The following RPS25 variants were observed in gnomAD, a reference collection of about 807,000 sequenced individuals.
RPS25 encodes ribosomal protein S25.
In RPS25, 1 loss-of-function variant was observed where a neutral mutation model predicts 14.4. That is an observed-to-expected ratio of 0.07 (90% CI 0.02 to 0.33). RPS25 has a LOEUF of 0.33. Ranked by LOEUF, RPS25 falls within the 10% of genes least tolerant of loss-of-function variation. The pLI, the probability that RPS25 is intolerant of heterozygous loss-of-function variation, is 1.00. For synonymous variants in RPS25, 63 were observed against 53.8 expected, an observed-to-expected ratio of 1.17 and a Z score of -0.75; for missense variants, 65 against 144.6, an observed-to-expected ratio of 0.45 and a Z score of 2.82.
chr11:119,017,519 G>A lies in RPS25; in HGVS notation c.126C>T (p.Asp42=), dbSNP rs1943190632. Residue 42 remains aspartate (D), a synonymous_variant, in exon 3 of 5, where the codon GAC becomes GAT. Transcript: ENST00000527673. ...KKKWSKGKVR[D]KLNNLVLFDK... is the part of the protein sequence containing the mutation. ...CAAACAAGACTAAGTTATTGAGCTT[G>A]TCCCGAACTTTGCCTTTGGACCACT... The A allele has an allele frequency of 6.2e-7, 1 of 1,614,110 alleles. No homozygotes were observed. The highest frequency in any genetic ancestry group is 2.2e-5 in the East Asian group (1 of 44,890).
intron 3 of RPS25, among the ~76,000 whole-genome samples, chr11:119,016,869 G>A (rs1287488128): frequency 2.0e-5 from 3 of 152,058 alleles, no homozygotes; most frequent in African/African-American, 7.2e-5. Context: ...TGATTCACCC[G>A]CCTTGGCCTC....
chr11:119,018,157 C>G, intron 1 of RPS25, 104 bp from the exon 2 acceptor site: 1 of 1,570,114 alleles, frequency 6.4e-7, no homozygotes, highest in South Asian at 1.1e-5. Flanking sequence ...AGCACATGGG[C>G]CAAGCAATAA....
chr11:119,017,492 G>C lies in RPS25; in HGVS notation c.153C>G (p.Asp51Glu). 1 of 1,614,092 alleles carries C rather than the reference G, an allele frequency of 6.2e-7. No individual in the cohort carries two copies. Among genetic ancestry groups the C allele is most frequent in the South Asian group, 1.1e-5 (1 of 91,086 alleles). Reference sequence around the variant, plus strand: ...TACAGAGTTTATCATAGGTAGCTTTGTCAAACAAGACTAAGTTATTGAGCT... The same window carrying C: ...TACAGAGTTTATCATAGGTAGCTTTCTCAAACAAGACTAAGTTATTGAGCT... Reference protein sequence around the residue: ...RDKLNNLVLFDKATYDKLCKE... With the variant: ...RDKLNNLVLFEKATYDKLCKE... Residue 51 changes from aspartate to glutamate, a missense_variant, in exon 3 of 5, where the codon GAC (aspartate) becomes GAG (glutamate). Coordinates refer to ENST00000527673, the MANE Select transcript of RPS25 (RefSeq NM_001028.3).
At chr11:119,016,079 G>C (rs535251125) in intron 3 of RPS25, 140 bp from the exon 4 acceptor site, 1 of 582,570 alleles carries the variant, frequency 1.7e-6, no homozygotes, top group East Asian at 2.7e-5. Context: ...CTTGAGGTAA[G>C]GAGTTGCACA....
chr11:119,017,913 CG>C, intron 2 of RPS25, 44 bp downstream of exon 2: 1 of 1,472,496 alleles, frequency 6.8e-7, no homozygotes, highest in Non-Finnish European at 9.5e-7. Flanking sequence ...TAGAGGATTA[CG>C]AGAGAGTTAC....
chr11:119,017,905 G>A (rs1055845322), intron 2 of RPS25, 53 bp downstream of exon 2: 3 of 1,396,710 alleles, frequency 2.1e-6, no homozygotes, highest in South Asian at 2.3e-5. Context: ...CCTATTACTA[G>A]AGGATTACGA....
In RPS25 at chr11:119,015,756, G is replaced by C; in HGVS notation, c.*7C>G. On this transcript the variant is annotated splice_region_variant and 3_prime_UTR_variant, in exon 5 of 5. Coordinates refer to ENST00000527673, the MANE Select transcript of RPS25 (RefSeq NM_001028.3). Reference sequence around the variant, plus strand: ...ATTTTTCCAAATGTACAGCTGGTTGGACCTGTAAAAAAAAATTAAAAGAAT... The same window carrying C: ...ATTTTTCCAAATGTACAGCTGGTTGCACCTGTAAAAAAAAATTAAAAGAAT... The C allele has an allele frequency of 8.0e-7, 1 of 1,255,382 alleles. No homozygotes were observed. The highest frequency in any genetic ancestry group is 1.9e-5 in the Admixed American group (1 of 52,120). The allele number at this position is 1,255,382 out of a possible 1,614,324, so 77.8% of individuals were successfully genotyped here.
intron 2 of RPS25, 48 bp downstream of exon 2, chr11:119,017,910 T>C: frequency 6.9e-7 from 1 of 1,446,458 alleles, no homozygotes; most frequent in Non-Finnish European, 9.7e-7. Flanking sequence ...TACTAGAGGA[T>C]TACGAGAGAG....
intron 2 of RPS25, 123 bp from the exon 3 acceptor site, chr11:119,017,668 A>G (rs892294180): frequency 1.1e-6 from 1 of 920,812 alleles, no homozygotes; most frequent in Non-Finnish European, 1.6e-6. Flanking sequence ...CACATTACTA[A>G]AACAAAAACA....
At chr11:119,017,894 A>G (rs1162371225) in intron 2 of RPS25, 64 bp downstream of exon 2, 3 of 1,279,214 alleles carry the variant, frequency 2.3e-6, no homozygotes, top group Admixed American at 3.4e-5. Context: ...TATACAAGTT[A>G]CCTATTACTA....
At chr11:119,016,723 T>C (rs1231577470) in intron 3 of RPS25, among the ~76,000 whole-genome samples, 1 of 149,110 alleles carries the variant, frequency 6.7e-6, no homozygotes, top group Non-Finnish European at 1.5e-5. Flanking sequence ...CTCCATCTCC[T>C]GGGTTCAAGG....
In RPS25 at chr11:119,017,483, G is replaced by A. The variant is rs1329194585; in HGVS notation, c.162C>T (p.Thr54=). The stretch of plus-strand genomic sequence containing the variant: ...GAACTTCCTTACAGAGTTTATCATA[G>A]GTAGCTTTGTCAAACAAGACTAAGT... ...LNNLVLFDKA[T]YDKLCKEVPN... The change falls in exon 3 of 5, where the codon ACC becomes ACT. Residue 54 remains threonine, a synonymous_variant. Transcript: ENST00000527673. 4 of 1,613,926 alleles carry A rather than the reference G, an allele frequency of 2.5e-6. No individual in the cohort carries two copies. Among genetic ancestry groups the A allele is most frequent in the East Asian group, 2.2e-5 (1 of 44,898 alleles).
At chr11:119,016,771 C>T (rs1943169611) in intron 3 of RPS25, among the ~76,000 whole-genome samples, 1 of 152,000 alleles carries the variant, frequency 6.6e-6, no homozygotes, top group Non-Finnish European at 1.5e-5. Context: ...GCTGGGATTA[C>T]AGACGTGTGC....
At position 119,017,344 on chromosome 11, in the gene RPS25, G is replaced by C. The variant is rs782724309; in HGVS notation, c.283+18C>G. 2 of 1,587,996 alleles carry C rather than the reference G, an allele frequency of 1.3e-6. No individual in the cohort carries two copies. The highest frequency in any genetic ancestry group is 1.8e-5 in the Admixed American group (1 of 55,488). On this transcript the variant is annotated intron_variant, in intron 3 of 4. Coordinates refer to ENST00000527673, the MANE Select transcript of RPS25 (RefSeq NM_001028.3). The stretch of plus-strand genomic sequence containing the variant: ...CAATTTAACCTACAAAAACACACAT[G>C]TAGGATACACCCCTCACCTTTACTA...
In RPS25 at chr11:119,017,345, T is replaced by G. The variant is rs371502497; in HGVS notation, c.283+17A>C. The G allele has an allele frequency of 3.1e-6, 5 of 1,589,410 alleles. No individual in the cohort carries two copies. In the Admixed American group the frequency reaches 5.4e-5, roughly 17 times the overall value. On this transcript the variant is annotated intron_variant, in intron 3 of 4. Transcript: ENST00000527673. ...AATTTAACCTACAAAAACACACATG[T>G]AGGATACACCCCTCACCTTTACTAA...
chr11:119,017,837 ACT>A (rs1943200657), intron 2 of RPS25, 119 bp downstream of exon 2: 2 of 802,930 alleles, frequency 2.5e-6, no homozygotes, highest in South Asian at 1.6e-5. Flanking sequence ...GGGAAGATAA[ACT>A]CTCACATTTT....
chr11:119,016,629 C>G (rs578201587), intron 3 of RPS25, among the ~76,000 whole-genome samples: 1 of 146,154 alleles, frequency 6.8e-6, no homozygotes, highest in African/African-American at 2.7e-5. Flanking sequence ...GCTCCATTAT[C>G]TTCCACCCCC....
At chr11:119,017,710 A>G in intron 2 of RPS25, 165 bp from the exon 3 acceptor site, 1 of 751,464 alleles carries the variant, frequency 1.3e-6, no homozygotes, top group Admixed American at 3.0e-5. Flanking sequence ...TTTGGCCTTC[A>G]AACAGGGGCC....
At position 119,017,820 on chromosome 11, in the gene RPS25, T is replaced by C. The variant is rs985813457; in HGVS notation, c.99+138A>G. 1.4e-5 allele frequency: 10 copies of C among 736,462 alleles called. No individual in the cohort carries two copies. In the African/African-American group the frequency reaches 1.8e-4, roughly 13 times the overall value. 45.6% of individuals were successfully genotyped at this position (736,462 alleles called of 1,614,324 possible). A position where few individuals can be genotyped will look rare whatever the true frequency, so the allele number is the denominator to read the frequency against. On this transcript the variant is annotated intron_variant, in intron 2 of 4. Coordinates refer to ENST00000527673, the MANE Select transcript of RPS25 (RefSeq NM_001028.3). The stretch of plus-strand genomic sequence containing the variant: ...TGATCCTAATGGGAAAAAGAACGAG[T>C]GGTGACGGGAAGATAAACTCTCACA...
Sources: gnomAD v4.1 joint callset for allele counts (sites outside exome capture counted in the v4.1 genomes callset) on GRCh38, gnomAD v4.1.1 for gene constraint, MANE v1.5 for transcripts, NCBI Gene and HGNC (gene_info 2026-07-23, HGNC 2026-07-21) for gene names.